The following DOCK8 variants were observed in gnomAD, a reference collection of about 807,000 sequenced individuals.
DOCK8 encodes the protein dedicator of cytokinesis protein 8.
DOCK8 carries 141 observed loss-of-function variants against 245.6 expected under a neutral mutation model. The observed-to-expected ratio is 0.57, with a 90% CI of 0.50 to 0.66. The LOEUF (loss-of-function observed/expected upper bound fraction) is 0.66, where lower values mean the gene tolerates loss of function less well. Among genes scored for constraint, DOCK8 ranks in the 30% least tolerant of loss-of-function variants. The probability of loss-of-function intolerance (pLI) is 0.00; values close to 1 mark genes in which losing one functional copy is unlikely to be tolerated. For missense variants in DOCK8, 2,965 were observed against 2,603.4 expected (o/e 1.14, Z -3.02); for synonymous variants, 1,168 against 970.2 (o/e 1.20, Z -3.79).
chr9:266,037 G>C (rs2048027817), intron 1 of DOCK8, among the ~76,000 whole-genome samples: 1 of 152,108 alleles, frequency 6.6e-6, no homozygotes, highest in Admixed American at 6.5e-5. Context: ...CTTAAAGTGA[G>C]AATGAGAAAA....
intron 1 of DOCK8, among the ~76,000 whole-genome samples, chr9:244,461 A>G (rs2047456702): frequency 6.6e-6 from 1 of 152,070 alleles, no homozygotes; most frequent in Non-Finnish European, 1.5e-5. Context: ...TTATACGCAC[A>G]GAGCACTCTC....
chr9:302,408 A>G (rs886535032), intron 4 of DOCK8, among the ~76,000 whole-genome samples: 12 of 152,336 alleles, frequency 7.9e-5, no homozygotes, highest in African/African-American at 2.9e-4. Flanking sequence ...AGAGAAAAAA[A>G]CTGGGAAATA....
At chr9:364,353 C>T (rs2052875420) in intron 14 of DOCK8, among the ~76,000 whole-genome samples, 1 of 152,102 alleles carries the variant, frequency 6.6e-6, no homozygotes, top group Non-Finnish European at 1.5e-5. Flanking sequence ...TTTAATGTGG[C>T]TGGGCATAGT....
At chr9:408,888 G>A (rs77692721) in intron 28 of DOCK8, among the ~76,000 whole-genome samples, 213 of 105,294 alleles carry the variant, frequency 2.0e-3, no homozygotes, top group Non-Finnish European at 2.7e-3. Flanking sequence ...ACACACACAC[G>A]CACACACGCG....
At chr9:333,417 C>T (rs190120444) in intron 10 of DOCK8, among the ~76,000 whole-genome samples, 1,558 of 152,128 alleles carry the variant, frequency 0.01, 25 homozygotes, top group East Asian at 0.065. Context: ...CTGGCCAACA[C>T]GGTGAAACCC....
chr9:460,716 C>T (rs1312098257), intron 46 of DOCK8, among the ~76,000 whole-genome samples: 2 of 152,204 alleles, frequency 1.3e-5, no homozygotes, highest in African/African-American at 4.8e-5. Flanking sequence ...AGGCTAATTC[C>T]ATGATGAAGC....
At position 356,969 on chromosome 9, in the gene DOCK8, T is replaced by A. The variant is rs755937429; in HGVS notation, c.1680-11049T>A. Among the ~76,000 whole-genome samples, 173 of 152,296 alleles carry A rather than the reference T, an allele frequency of 1.1e-3. 1 individual carries two copies. Among genetic ancestry groups the A allele is most frequent in the Middle Eastern group, 3.4e-3 (1 of 294 alleles). On this transcript the variant is annotated intron_variant, in intron 14 of 47. Transcript: ENST00000432829. ...CAGCAGATTTCGAATGCTTGGATAT[T>A]TGTGATTCTTTTCTATGGGAATCTG...
At chr9:317,216 C>A in intron 7 of DOCK8, 88 bp downstream of exon 7, 1 of 1,091,454 alleles carries the variant, frequency 9.2e-7, no homozygotes, top group Non-Finnish European at 1.4e-6. Context: ...GAGCTTGAAT[C>A]AAAGCGGAGC....
At chr9:266,179 C>G (rs1397772610) in intron 1 of DOCK8, among the ~76,000 whole-genome samples, 1 of 152,104 alleles carries the variant, frequency 6.6e-6, no homozygotes, top group Non-Finnish European at 1.5e-5. Context: ...CTAAACATTC[C>G]TAGGCAGAAT....
At chr9:312,548 T>C in intron 6 of DOCK8, 1 of 388,468 alleles carries the variant, frequency 2.6e-6, no homozygotes. Flanking sequence ...TTACTTAAAC[T>C]TTGATGTTCT....
At chr9:312,272 G>A (rs2050157681) in intron 6 of DOCK8, 106 bp downstream of exon 6, 2 of 1,355,418 alleles carry the variant, frequency 1.5e-6, no homozygotes, top group East Asian at 2.5e-5. Context: ...TGGTGTCAGG[G>A]CTCACTTGTA....
chr9:386,194 T>G, intron 22 of DOCK8, 137 bp from the exon 23 acceptor site: 1 of 715,312 alleles, frequency 1.4e-6, no homozygotes, highest in Non-Finnish European at 2.5e-6. Flanking sequence ...TTATATTTAC[T>G]TATGGCAATT....
intron 38 of DOCK8, 108 bp from the exon 39 acceptor site, chr9:434,675 G>C: frequency 2.7e-6 from 3 of 1,110,076 alleles, no homozygotes; most frequent in Non-Finnish European, 4.0e-6. Flanking sequence ...CAGGTGGAGG[G>C]GTACAGGGAA....
intron 33 of DOCK8, among the ~76,000 whole-genome samples, chr9:423,100 G>A (rs989760770): frequency 2.5e-4 from 38 of 151,928 alleles, no homozygotes; most frequent in Admixed American, 2.4e-3. Context: ...TGGGTGCTGG[G>A]AATATCGGTA....
intron 25 of DOCK8, among the ~76,000 whole-genome samples, chr9:397,576 G>A (rs2054523650): frequency 6.6e-6 from 1 of 150,902 alleles, no homozygotes. Flanking sequence ...TGTAATCCCA[G>A]CTTCTCGGGA....
chr9:309,238 A>G (rs2049987782), intron 5 of DOCK8, among the ~76,000 whole-genome samples: 1 of 152,142 alleles, frequency 6.6e-6, no homozygotes, highest in Non-Finnish European at 1.5e-5. Context: ...AATTAAAGTC[A>G]TTTTCCTTAA....
At chr9:277,315 C>T (rs940525672) in intron 2 of DOCK8, among the ~76,000 whole-genome samples, 1 of 151,828 alleles carries the variant, frequency 6.6e-6, no homozygotes, top group Non-Finnish European at 1.5e-5. Flanking sequence ...GTCCCAGCTA[C>T]TTGCGAGGCT....
rs748189724 is a variant in DOCK8 at position 405,116 on chromosome 9, T to A, written c.3390+43T>A. ...TAACTAAAAGAATTATTCAAGCTATTTCATTTAACTAGCTCAGTTTAATCA... is the reference window on the plus strand; with the variant it reads ...TAACTAAAAGAATTATTCAAGCTATATCATTTAACTAGCTCAGTTTAATCA... On this transcript the variant is annotated intron_variant, in intron 27 of 47. Coordinates refer to ENST00000432829, the MANE Select transcript of DOCK8 (RefSeq NM_203447.4). 3.9e-6 allele frequency: 6 copies of A among 1,555,380 alleles called. No individual in the cohort carries two copies. In the African/African-American group the frequency reaches 8.2e-5, roughly 21 times the overall value.
At position 313,215 on chromosome 9, in the gene DOCK8, A is replaced by G. The variant is rs2050202400; in HGVS notation, c.741+1049A>G. On this transcript the variant is annotated intron_variant, in intron 6 of 47. Coordinates refer to ENST00000432829, the MANE Select transcript of DOCK8 (RefSeq NM_203447.4). ...TCACCATCTAGCACCTTCCTCTTTG[A>G]TGATCTAAAGGGCAATTAGCCTTCA... Among the ~76,000 whole-genome samples the G allele has an allele frequency of 2.0e-5, 3 of 152,350 alleles. No homozygotes were observed. In the East Asian group the frequency reaches 5.8e-4, roughly 29 times the overall value.
Sources: gnomAD v4.1 joint callset for allele counts (sites outside exome capture counted in the v4.1 genomes callset) on GRCh38, gnomAD v4.1.1 for gene constraint, MANE v1.5 for transcripts, NCBI Gene and HGNC (gene_info 2026-07-23, HGNC 2026-07-21) for gene names.